DAB1: variants seen among roughly 807,000 people sequenced by gnomAD.
The protein encoded by DAB1 is DAB adaptor protein 1, also known as disabled homolog 1.
In DAB1, 15 loss-of-function variants were observed where a neutral mutation model predicts 64.6. The ratio of observed to expected loss-of-function variants is 0.23; its 90% CI spans 0.16 to 0.36. DAB1 has a LOEUF of 0.36. Among genes scored for constraint, DAB1 ranks in the 10% least tolerant of loss-of-function variants. The pLI, the probability that DAB1 is intolerant of heterozygous loss-of-function variation, is 1.00. For missense variants in DAB1, 596 were observed against 706.7 expected, an observed-to-expected ratio of 0.84 and a Z score of 1.78; for synonymous variants, 235 against 251.9, an observed-to-expected ratio of 0.93 and a Z score of 0.64.
chr1:57,835,451 T>A (rs1652767466), intron 1 of DAB1, among the ~76,000 whole-genome samples: 1 of 152,164 alleles, frequency 6.6e-6, no homozygotes, highest in Admixed American at 6.5e-5. Context: ...TAATTCTAAC[T>A]ATTCCCAAGC....
At chr1:58,385,110 C>CA (rs1333574144) in intron 3 of DAB1, among the ~76,000 whole-genome samples, 4 of 152,182 alleles carry the variant, frequency 2.6e-5, no homozygotes, top group South Asian at 2.1e-4. Context: ...CAAACAACAA[C>CA]AAAAAACAAA....
intron 4 of DAB1, among the ~76,000 whole-genome samples, chr1:58,341,280 C>T (rs755515832): frequency 6.6e-6 from 1 of 152,106 alleles, no homozygotes; most frequent in Non-Finnish European, 1.5e-5. Flanking sequence ...CAGAGGTTAT[C>T]TGCTCTGAAG....
intron 7 of DAB1, among the ~76,000 whole-genome samples, chr1:57,526,919 G>A (rs916479216): frequency 3.3e-5 from 5 of 152,062 alleles, no homozygotes; most frequent in Non-Finnish European, 7.4e-5. Flanking sequence ...ACTATATTAT[G>A]AGTATTTAAT....
intron 1 of DAB1, among the ~76,000 whole-genome samples, chr1:57,328,879 A>G (rs1032493223): frequency 2.6e-5 from 4 of 152,180 alleles, no homozygotes; most frequent in Admixed American, 2.6e-4. Flanking sequence ...TACTTAGCAA[A>G]TTACCAGTCA....
At position 57,280,407 on chromosome 1, in the gene DAB1, T is replaced by C. The variant is rs61767368; in HGVS notation, c.67+10557A>G. ...TGAAATCTCAGCACACCTGGGAACA[T>C]TGTCTGCTCAGCAAACTTACACAAA... On this transcript the variant is annotated intron_variant, in intron 2 of 14. Coordinates refer to ENST00000371236, the MANE Select transcript of DAB1 (RefSeq NM_001365792.1). Among the ~76,000 whole-genome samples the C allele has an allele frequency of 7.5e-3, 1,135 of 152,294 alleles. 29 individuals carry two copies. In the East Asian group the frequency reaches 0.079, roughly 11 times the overall value.
intron 4 of DAB1, among the ~76,000 whole-genome samples, chr1:58,185,186 C>T (rs1016415958): frequency 6.6e-6 from 1 of 152,138 alleles, no homozygotes; most frequent in Non-Finnish European, 1.5e-5. Flanking sequence ...AGTCTGGGTC[C>T]TACTCATCAA....
intron 2 of DAB1, among the ~76,000 whole-genome samples, chr1:57,191,760 T>G (rs1411526554): frequency 6.6e-6 from 1 of 152,142 alleles, no homozygotes; most frequent in Non-Finnish European, 1.5e-5. Flanking sequence ...GACCACTGAC[T>G]GGTATGGAGT....
intron 6 of DAB1, among the ~76,000 whole-genome samples, chr1:57,765,758 G>A (rs1315710260): frequency 6.6e-6 from 1 of 152,064 alleles, no homozygotes; most frequent in Non-Finnish European, 1.5e-5. Context: ...ACTCTCTTGA[G>A]TTTCCTCTCC....
chr1:58,307,777 T>G (rs563110795), intron 4 of DAB1, among the ~76,000 whole-genome samples: 33 of 132,920 alleles, frequency 2.5e-4, no homozygotes, highest in African/African-American at 3.8e-4. Flanking sequence ...GGAGTGGGGG[T>G]GGAGGAGGGG....
chr1:58,018,027 G>A (rs942148192), intron 5 of DAB1, among the ~76,000 whole-genome samples: 1 of 152,144 alleles, frequency 6.6e-6, no homozygotes, highest in African/African-American at 2.4e-5. Flanking sequence ...CCAATTGACA[G>A]CTATAAAGTA....
At chr1:57,108,383 C>A (rs1005513983) in intron 4 of DAB1, among the ~76,000 whole-genome samples, 5 of 152,186 alleles carry the variant, frequency 3.3e-5, no homozygotes, top group African/African-American at 1.2e-4. Flanking sequence ...CTGTTTGGAA[C>A]ACGTTTTCTC....
rs1643928216 is a variant in DAB1 at position 57,475,781 on chromosome 1, T to C, written n.625+173811A>G. ...TACCTGTGTATTCACTGGCCTCCAT[T>C]ATAGACTGTGAGCTCCTTGAGTGGG... On this transcript the variant is annotated intron_variant and non_coding_transcript_variant, in intron 7 of 20. Transcript: ENST00000485760. Among the ~76,000 whole-genome samples, 3 of 152,232 alleles carry C rather than the reference T, an allele frequency of 2.0e-5. No homozygotes were observed. The South Asian group carries it at 6.2e-4, about 31-fold the overall frequency.
intron 7 of DAB1, among the ~76,000 whole-genome samples, chr1:57,504,076 G>A (rs1212429519): frequency 1.3e-5 from 2 of 152,140 alleles, no homozygotes; most frequent in African/African-American, 4.8e-5. Context: ...CTGGAAACCT[G>A]CACTACATCT....
chr1:57,489,427 T>C (rs1644134660), intron 7 of DAB1, among the ~76,000 whole-genome samples: 1 of 152,164 alleles, frequency 6.6e-6, no homozygotes, highest in Non-Finnish European at 1.5e-5. Flanking sequence ...AAACCATCTC[T>C]GGGACTCGGG....
intron 5 of DAB1, among the ~76,000 whole-genome samples, chr1:58,095,001 C>T (rs79190078): frequency 2.0e-5 from 3 of 152,216 alleles, no homozygotes; most frequent in African/African-American, 7.2e-5. Flanking sequence ...TTTTTGGGAC[C>T]TTACAGTCTC....
intron 5 of DAB1, among the ~76,000 whole-genome samples, chr1:57,990,533 T>C (rs1317487245): frequency 2.6e-5 from 4 of 152,200 alleles, no homozygotes; most frequent in East Asian, 3.9e-4. Context: ...ATCCACCCAC[T>C]GAAAGGCACC....
At chr1:57,967,198 C>T (rs542207369) in intron 5 of DAB1, among the ~76,000 whole-genome samples, 1 of 152,244 alleles carries the variant, frequency 6.6e-6, no homozygotes, top group African/African-American at 2.4e-5. Context: ...AAGGTGCTGG[C>T]CAGACTGTCT....
At chr1:58,522,928 GTGGCA>G (rs1646289962) in intron 2 of DAB1, among the ~76,000 whole-genome samples, 1 of 152,180 alleles carries the variant, frequency 6.6e-6, no homozygotes, top group East Asian at 1.9e-4. Context: ...AGTTCCAGGG[GTGGCA>G]GAGGTAGAAC....
intron 6 of DAB1, among the ~76,000 whole-genome samples, chr1:57,659,099 G>C (rs566387722): frequency 6.6e-5 from 10 of 152,102 alleles, no homozygotes; most frequent in African/African-American, 2.4e-4. Flanking sequence ...GATATCTTTG[G>C]TCATGCCTCC....
Sources: gnomAD v4.1 joint callset for allele counts (sites outside exome capture counted in the v4.1 genomes callset) on GRCh38, gnomAD v4.1.1 for gene constraint, MANE v1.5 for transcripts, NCBI Gene and HGNC (gene_info 2026-07-23, HGNC 2026-07-21) for gene names.